The following MTUS2 variants were observed in gnomAD, a reference collection of about 807,000 sequenced individuals.
The protein encoded by MTUS2 is microtubule-associated tumor suppressor candidate 2.
MTUS2 carries 40 observed loss-of-function variants against 114.1 expected under a neutral mutation model. That is an observed-to-expected ratio of 0.35 (90% CI 0.27 to 0.46). The LOEUF (loss-of-function observed/expected upper bound fraction) is 0.46. MTUS2 is among the 20% of genes least tolerant of loss of function. MTUS2 has a pLI of 1.00. For missense variants in MTUS2, 1,679 were observed against 1,705.4 expected (o/e 0.98, Z 0.27); for synonymous variants, 688 against 672.0 (o/e 1.02, Z -0.37).
intron 2 of MTUS2, among the ~76,000 whole-genome samples, chr13:29,006,932 T>C (rs1005924183): frequency 6.6e-6 from 1 of 152,208 alleles, no homozygotes; most frequent in Non-Finnish European, 1.5e-5. Context: ...GCTCAGCCCC[T>C]GGTGAATCTG....
At chr13:29,280,335 T>TA (rs1898220314) in intron 5 of MTUS2, among the ~76,000 whole-genome samples, 1 of 152,238 alleles carries the variant, frequency 6.6e-6, no homozygotes, top group African/African-American at 2.4e-5. Context: ...AGAACTATTT[T>TA]AAAAACCTTG....
chr13:29,285,096 A>T (rs901979875), intron 6 of MTUS2, among the ~76,000 whole-genome samples: 2 of 151,978 alleles, frequency 1.3e-5, no homozygotes, highest in Admixed American at 6.5e-5. Flanking sequence ...TAAAAAAGAA[A>T]AAAAAAAGGA....
chr13:28,902,803 TG>T (rs1809914842), intron 2 of MTUS2, among the ~76,000 whole-genome samples: 1 of 152,148 alleles, frequency 6.6e-6, no homozygotes, highest in African/African-American at 2.4e-5. Context: ...TTGTCTGGTT[TG>T]GTCAGGGTAA....
chr13:28,887,216 C>T (rs961675460), intron 2 of MTUS2, among the ~76,000 whole-genome samples: 1 of 152,146 alleles, frequency 6.6e-6, no homozygotes, highest in African/African-American at 2.4e-5. Context: ...GAAGTTTGAT[C>T]ATTCCCTCAG....
chr13:29,452,430 C>G (rs1337003622), intron 9 of MTUS2, among the ~76,000 whole-genome samples: 1 of 151,988 alleles, frequency 6.6e-6, no homozygotes, highest in African/African-American at 2.4e-5. Flanking sequence ...ATTTTTGAGA[C>G]AGAGCCTTGC....
intron 8 of MTUS2, among the ~76,000 whole-genome samples, chr13:29,382,217 C>T (rs567731181): frequency 4.6e-5 from 7 of 152,290 alleles, no homozygotes; most frequent in South Asian, 4.1e-4. Context: ...GGCCTTGCAG[C>T]ACCTCCTAAG....
chr13:29,359,427 G>A lies in MTUS2; in HGVS notation c.3071G>A (p.Cys1024Tyr), dbSNP rs1870045876. The A allele has an allele frequency of 6.2e-7, 1 of 1,613,186 alleles. No homozygotes were observed. Among genetic ancestry groups the A allele is most frequent in the Admixed American group, 1.7e-5 (1 of 59,966 alleles). The change falls in exon 8 of 16, where the codon TGC becomes TAC. Residue 1024 changes from cysteine (C) to tyrosine (Y), a missense_variant. Cys to Tyr is a radical substitution (Grantham distance 194). Around this residue, in one of 3 missense-constraint regions of MTUS2, gnomAD observed 822 missense variants for 899.7 expected, o/e 0.91. Coordinates refer to ENST00000612955, the MANE Select transcript of MTUS2 (RefSeq NM_001033602.4). ...CAAGGGGAGCTGAAGAGGGCCATCT[G>A]CGGCTTTGATGCCCTCGCCGTGGCC... ...VAQGELKRAI[C>Y]GFDALAVATQ...
intron 6 of MTUS2, among the ~76,000 whole-genome samples, chr13:29,314,611 G>A (rs1485543317): frequency 6.6e-6 from 1 of 152,108 alleles, no homozygotes; most frequent in East Asian, 1.9e-4. Context: ...TTATAAACAT[G>A]TTACTTATAT....
intron 2 of MTUS2, among the ~76,000 whole-genome samples, chr13:28,904,717 G>A (rs1879873287): frequency 6.6e-6 from 1 of 152,158 alleles, no homozygotes; most frequent in South Asian, 2.1e-4. Context: ...TTTTGGCTTA[G>A]GATTGACTTG....
In MTUS2 at chr13:29,496,360, G is replaced by A; in HGVS notation, c.3580-878G>A. ...CTGTGTGGACTCAGCTTACGTGGCA[G>A]CTCCTATTAAGGACATGCAACCCAG... On this transcript the variant is annotated intron_variant, in intron 12 of 15. Transcript: ENST00000612955. The surrounding 1 kb of genome is among the most constrained non-coding windows in gnomAD (Gnocchi z 4.3). 6.5e-6 allele frequency: 1 copy of A among 152,848 alleles called. No individual in the cohort carries two copies. Among genetic ancestry groups the A allele is most frequent in the Non-Finnish European group, 1.5e-5 (1 of 68,268 alleles). 9.5% of individuals were successfully genotyped at this position (152,848 alleles called of 1,614,324 possible).
chr13:29,416,176 G>A (rs1474365255), intron 8 of MTUS2, among the ~76,000 whole-genome samples: 2 of 146,762 alleles, frequency 1.4e-5, no homozygotes, highest in East Asian at 2.0e-4. Flanking sequence ...TGATCCACCC[G>A]CCTTGGCCTC....
chr13:29,366,595 G>A (rs920162745), intron 8 of MTUS2, among the ~76,000 whole-genome samples: 2 of 152,178 alleles, frequency 1.3e-5, no homozygotes, highest in East Asian at 3.8e-4. Flanking sequence ...GATCCCTGCG[G>A]CCCACTCTAA....
intron 9 of MTUS2, among the ~76,000 whole-genome samples, chr13:29,445,173 G>A (rs1233453865): frequency 6.6e-6 from 1 of 152,206 alleles, no homozygotes; most frequent in African/African-American, 2.4e-5. Context: ...GGAATTTCCT[G>A]GCAATTGATT....
At chr13:29,182,690 A>G (rs934142132) in intron 5 of MTUS2, among the ~76,000 whole-genome samples, 9 of 152,344 alleles carry the variant, frequency 5.9e-5, no homozygotes, top group African/African-American at 1.9e-4. Context: ...ATAAATAAGT[A>G]CATGCTAGTG....
At chr13:29,117,816 C>T (rs1248000251) in intron 5 of MTUS2, among the ~76,000 whole-genome samples, 2 of 152,196 alleles carry the variant, frequency 1.3e-5, no homozygotes, top group African/African-American at 4.8e-5. Context: ...TGCCACCACA[C>T]TTCGGGCCCT....
intron 12 of MTUS2, among the ~76,000 whole-genome samples, chr13:29,494,777 G>T (rs1212431047): frequency 1.3e-5 from 2 of 152,140 alleles, no homozygotes; most frequent in African/African-American, 4.8e-5. Context: ...GGTGGCTTAT[G>T]CCTGTAATCC....
intron 2 of MTUS2, among the ~76,000 whole-genome samples, chr13:28,872,557 C>T (rs1877686163): frequency 2.6e-5 from 4 of 152,098 alleles, no homozygotes; most frequent in Admixed American, 2.6e-4. Context: ...TCTCAGGCAG[C>T]TTCTCCACAT....
chr13:29,444,766 AGGTG>A (rs1175860004), intron 9 of MTUS2, among the ~76,000 whole-genome samples: 1 of 152,220 alleles, frequency 6.6e-6, no homozygotes, highest in Non-Finnish European at 1.5e-5. Context: ...AGAGTGGCAC[AGGTG>A]GGTGGGGAAA....
intron 4 of MTUS2, among the ~76,000 whole-genome samples, chr13:29,093,281 A>G (rs1171724581): frequency 1.3e-5 from 2 of 152,134 alleles, no homozygotes; most frequent in African/African-American, 2.4e-5. Context: ...CATCTCTACT[A>G]AAAATACAAA....
Sources: allele counts gnomAD v4.1 joint callset (sites outside exome capture counted in the v4.1 genomes callset), GRCh38; gene constraint gnomAD v4.1.1; regional missense constraint gnomAD v4.1.1; non-coding constraint Gnocchi (gnomAD v3.1); transcripts MANE v1.5; gene names NCBI Gene and HGNC (gene_info 2026-07-23, HGNC 2026-07-21).